CCDC146: variants seen among roughly 807,000 people sequenced by gnomAD.
The protein encoded by CCDC146 is coiled-coil domain containing 146.
A neutral mutation model predicts 119.3 loss-of-function variants in CCDC146; 92 were observed. The observed-to-expected ratio is 0.77, with a 90% CI of 0.65 to 0.92. The LOEUF (loss-of-function observed/expected upper bound fraction) is 0.92. Ranked by LOEUF, CCDC146 falls within the 40% of genes least tolerant of loss-of-function variation. The pLI is 0.00. For missense variants in CCDC146, 1,000 were observed against 1,103.0 expected (o/e 0.91, Z 1.32); for synonymous variants, 372 against 371.8 (o/e 1.00, Z -0.01).
chr7:77,288,246 C>T (rs1793883471), intron 17 of CCDC146, among the ~76,000 whole-genome samples: 1 of 151,070 alleles, frequency 6.6e-6, no homozygotes, highest in South Asian at 2.1e-4. Flanking sequence ...CTGTAACAAC[C>T]TGCAATGAAG....
At chr7:77,209,810 T>C (rs891476720) in intron 2 of CCDC146, among the ~76,000 whole-genome samples, 5 of 152,186 alleles carry the variant, frequency 3.3e-5, no homozygotes, top group African/African-American at 1.2e-4. Flanking sequence ...GCTTGGGGCT[T>C]GTACCCTCTG....
chr7:77,140,405 C>T (rs1182933584), intron 1 of CCDC146, among the ~76,000 whole-genome samples: 1 of 152,170 alleles, frequency 6.6e-6, no homozygotes, highest in Non-Finnish European at 1.5e-5. Flanking sequence ...GGAAGCTGGG[C>T]ATTCTGAGAT....
intron 4 of CCDC146, among the ~76,000 whole-genome samples, chr7:77,247,711 G>A (rs991991890): frequency 2.0e-5 from 3 of 152,110 alleles, no homozygotes; most frequent in South Asian, 4.2e-4. Flanking sequence ...TCACTAATCA[G>A]AGAAATGCAA....
At chr7:77,184,036 A>T (rs931197232) in intron 2 of CCDC146, among the ~76,000 whole-genome samples, 5 of 152,206 alleles carry the variant, frequency 3.3e-5, no homozygotes, top group African/African-American at 1.2e-4. Context: ...TTTGAAGTTT[A>T]GACCTGTCGT....
chr7:77,200,449 T>A (rs3091259), intron 2 of CCDC146, among the ~76,000 whole-genome samples: 106,502 of 152,226 alleles, frequency 0.7, 38,928 homozygotes, highest in African/African-American at 0.92. Context: ...TAGTGTATAT[T>A]AATGTCTAAA....
chr7:77,177,045 A>G (rs1264297644), intron 2 of CCDC146, among the ~76,000 whole-genome samples: 1 of 151,890 alleles, frequency 6.6e-6, no homozygotes, highest in Non-Finnish European at 1.5e-5. Flanking sequence ...CATGTTGTCC[A>G]GGCTGGTCTC....
chr7:77,288,561 CA>C (rs1793889521), intron 17 of CCDC146, among the ~76,000 whole-genome samples: 1 of 152,220 alleles, frequency 6.6e-6, no homozygotes, highest in Non-Finnish European at 1.5e-5. Context: ...TCATGCATAC[CA>C]TAGAGCCATC....
At chr7:77,227,053 A>G (rs1274831099) in intron 2 of CCDC146, among the ~76,000 whole-genome samples, 1 of 152,260 alleles carries the variant, frequency 6.6e-6, no homozygotes, top group Non-Finnish European at 1.5e-5. Flanking sequence ...CTGAAATAAC[A>G]AAGTTTATCA....
rs138086933 is a variant in CCDC146, at chr7:77,250,155, C to T, written c.450-4351C>T. On this transcript the variant is annotated intron_variant, in intron 4 of 18. Transcript: ENST00000285871. ...TTCATTTCACTTACACATGGGCATA[C>T]ATAAATATATATGCATATGTAATTG... Among the ~76,000 whole-genome samples, 579 of 152,306 alleles carry T rather than the reference C, an allele frequency of 3.8e-3. 4 individuals are homozygous for T. Among genetic ancestry groups the T allele is most frequent in the Admixed American group, 7.5e-3 (114 of 15,298 alleles).
chr7:77,188,260 A>T (rs1001680453), intron 2 of CCDC146, among the ~76,000 whole-genome samples: 1 of 152,144 alleles, frequency 6.6e-6, no homozygotes, highest in Non-Finnish European at 1.5e-5. Context: ...TGGTGTGATT[A>T]TTATGCATTG....
At position 77,138,128 on chromosome 7, in the gene CCDC146, G is replaced by T. The variant is rs576666467; in HGVS notation, c.-12+15396G>T. ...AAAGCTATAGTAATCAAGACAGTAT[G>T]GTACTGGCAAAAGAGTGGACAAATA... On this transcript the variant is annotated intron_variant, in intron 1 of 18. Transcript: ENST00000285871. Among the ~76,000 whole-genome samples the T allele has an allele frequency of 7.1e-4, 108 of 151,832 alleles. 1 individual carries two copies. The highest frequency in any genetic ancestry group is 4.8e-3 in the East Asian group (25 of 5,182).
chr7:77,220,775 A>G (rs570683351), intron 2 of CCDC146, among the ~76,000 whole-genome samples: 38 of 152,190 alleles, frequency 2.5e-4, no homozygotes, highest in Non-Finnish European at 5.1e-4. Flanking sequence ...TGGCCCACCA[A>G]TCTACTGAAG....
intron 4 of CCDC146, among the ~76,000 whole-genome samples, chr7:77,249,663 A>G (rs955770661): frequency 6.6e-6 from 1 of 151,944 alleles, no homozygotes; most frequent in Non-Finnish European, 1.5e-5. Context: ...ATCTTTCTCT[A>G]TCCATTTACT....
In CCDC146 at chr7:77,259,991, T is replaced by C. The variant is rs1217877316; in HGVS notation, c.759-18T>C. The C allele has an allele frequency of 1.7e-6, 1 of 598,080 alleles. No homozygotes were observed. Among genetic ancestry groups the C allele is most frequent in the Non-Finnish European group, 2.8e-6 (1 of 352,640 alleles). The allele number at this position is 598,080 out of a possible 1,614,324, so 37.0% of individuals were successfully genotyped here. On this transcript the variant is annotated intron_variant, in intron 7 of 18. Coordinates refer to ENST00000285871, the MANE Select transcript of CCDC146 (RefSeq NM_020879.3). ...GTGTGTGTGTGTGTGTGTGTGTGTGTGTGTGTATCCCCTACAGAGAAATGG... is the reference window on the plus strand; with the variant it reads ...GTGTGTGTGTGTGTGTGTGTGTGTGCGTGTGTATCCCCTACAGAGAAATGG...
chr7:77,186,638 A>G (rs1424720687), intron 2 of CCDC146, among the ~76,000 whole-genome samples: 3 of 152,158 alleles, frequency 2.0e-5, no homozygotes, highest in Non-Finnish European at 2.9e-5. Flanking sequence ...GATTGTTTGT[A>G]ACACAAAGGA....
chr7:77,283,746 T>A (rs1554362565), intron 15 of CCDC146, among the ~76,000 whole-genome samples: 2 of 152,182 alleles, frequency 1.3e-5, no homozygotes, highest in African/African-American at 2.4e-5. Context: ...CCCTTTTTTT[T>A]AATCATGTGA....
intron 2 of CCDC146, chr7:77,199,152 A>G (rs762561756): frequency 6.3e-7 from 1 of 1,579,720 alleles, no homozygotes; most frequent in Non-Finnish European, 8.6e-7. Flanking sequence ...ATTTATGAAC[A>G]TATGATAAGA....
intron 17 of CCDC146, among the ~76,000 whole-genome samples, 194 bp from the exon 18 acceptor site, chr7:77,292,758 C>T (rs1018517483): frequency 1.3e-5 from 2 of 152,126 alleles, no homozygotes; most frequent in African/African-American, 4.8e-5. Flanking sequence ...CTCTCCTTGT[C>T]CTTACTTACA....
At chr7:77,242,199 GCCCTT>G in intron 4 of CCDC146, 1 of 340,642 alleles carries the variant, frequency 2.9e-6, no homozygotes, top group Non-Finnish European at 5.3e-6. Flanking sequence ...GCATTCCCTT[GCCCTT>G]CCCCTGCCCT....
Sources: allele counts gnomAD v4.1 joint callset (sites outside exome capture counted in the v4.1 genomes callset), GRCh38; gene constraint gnomAD v4.1.1; transcripts MANE v1.5; gene names NCBI Gene and HGNC (gene_info 2026-07-23, HGNC 2026-07-21).